CHSY1: variants seen among roughly 807,000 people sequenced by gnomAD.
The protein encoded by CHSY1 is N-acetylgalactosaminyl-proteoglycan 3-beta-glucuronosyltransferase 1.
A neutral mutation model predicts 59.8 loss-of-function variants in CHSY1; 13 were observed. The observed-to-expected ratio is 0.22, with a 90% CI of 0.14 to 0.35. CHSY1 has a LOEUF of 0.35. Ranked by LOEUF, CHSY1 falls within the 10% of genes least tolerant of loss-of-function variation. CHSY1 has a pLI of 1.00. For synonymous variants in CHSY1, 459 were observed against 401.2 expected (o/e 1.14, Z -1.72); for missense variants, 947 against 1,030.6 (o/e 0.92, Z 1.11).
At chr15:101,236,407 G>A (rs1453756699) in intron 1 of CHSY1, among the ~76,000 whole-genome samples, 4 of 152,278 alleles carry the variant, frequency 2.6e-5, no homozygotes, top group African/African-American at 9.6e-5. Flanking sequence ...AGTTTTACAA[G>A]GGGTTTCCCT....
intron 2 of CHSY1, among the ~76,000 whole-genome samples, chr15:101,196,600 C>T (rs12592551): frequency 0.09 from 13,716 of 152,274 alleles, 747 homozygotes; most frequent in East Asian, 0.21. Context: ...ACCCCGAGAT[C>T]CATGACTAGA....
intron 2 of CHSY1, among the ~76,000 whole-genome samples, chr15:101,199,504 A>G (rs2141252738): frequency 6.6e-6 from 1 of 152,336 alleles, no homozygotes; most frequent in Non-Finnish European, 1.5e-5. Context: ...CTCCGTCTCA[A>G]AAACAAACAA....
intron 2 of CHSY1, among the ~76,000 whole-genome samples, chr15:101,212,103 A>G (rs1039915320): frequency 2.0e-5 from 3 of 152,160 alleles, no homozygotes; most frequent in Admixed American, 2.0e-4. Context: ...TGAAATCACA[A>G]TGAAGTAAAT....
chr15:101,200,401 C>T (rs563112552), intron 2 of CHSY1, among the ~76,000 whole-genome samples: 1 of 152,316 alleles, frequency 6.6e-6, no homozygotes, highest in African/African-American at 2.4e-5. Context: ...GCTGTGTCCT[C>T]GAGCAAGTCT....
rs140710592 is a variant in CHSY1 at position 101,208,986 on chromosome 15, C to T, written c.816+26096G>A. ...ACCATCACACTATTCATTTATTCTGCCAAGAAACATCAATTAATGCTAAAA... is the reference window on the plus strand; with the variant it reads ...ACCATCACACTATTCATTTATTCTGTCAAGAAACATCAATTAATGCTAAAA... On this transcript the variant is annotated intron_variant, in intron 2 of 2. Transcript: ENST00000254190. Among the ~76,000 whole-genome samples, 96 of 152,202 alleles carry T rather than the reference C, an allele frequency of 6.3e-4. No homozygotes were observed. The East Asian group carries it at 0.017, about 26-fold the overall frequency.
intron 2 of CHSY1, among the ~76,000 whole-genome samples, chr15:101,225,956 A>G (rs569284654): frequency 1.2e-4 from 19 of 152,268 alleles, no homozygotes; most frequent in African/African-American, 4.6e-4. Context: ...GGCTCTCACA[A>G]TCACAGGACT....
Position 101,246,054 on chromosome 15 carries a change from AG to A in CHSY1, c.320+5082del, listed in dbSNP as rs987944980. On this transcript the variant is annotated intron_variant, in intron 1 of 2. Coordinates refer to ENST00000254190, the MANE Select transcript of CHSY1 (RefSeq NM_014918.5). ...ACAGTCCGTCTTCATTTAAGGCATT[AG>A]GAAGAGATCATTCACTGATAATAGT... Among the ~76,000 whole-genome samples the A allele has an allele frequency of 1.9e-4, 29 of 152,342 alleles. No individual in the cohort carries two copies. In the Middle Eastern group the frequency reaches 0.01, roughly 54 times the overall value.
intron 2 of CHSY1, among the ~76,000 whole-genome samples, chr15:101,229,892 G>A (rs536346447): frequency 1.7e-3 from 264 of 152,068 alleles, no homozygotes; most frequent in African/African-American, 5.9e-3. Context: ...GGGTGACAGA[G>A]CGAGACTCTG....
At chr15:101,238,354 C>T (rs561303810) in intron 1 of CHSY1, among the ~76,000 whole-genome samples, 2 of 152,226 alleles carry the variant, frequency 1.3e-5, no homozygotes, top group East Asian at 3.9e-4. Context: ...AAATGACTGG[C>T]TTTTATTTCT....
At chr15:101,220,116 C>T (rs369464909) in intron 2 of CHSY1, among the ~76,000 whole-genome samples, 1 of 152,184 alleles carries the variant, frequency 6.6e-6, no homozygotes, top group East Asian at 1.9e-4. Context: ...ACCTGCCATC[C>T]AAGTCAACTA....
rs747404843 is a variant in CHSY1, at chr15:101,176,551, C to T, written c.*837G>A. On this transcript the variant is annotated 3_prime_UTR_variant, in exon 3 of 3. Transcript: ENST00000254190. ...GAACTACCACGAGAACAGCCACATA[C>T]CTCACTGTGCCTTCTTCACGCCCCT... 5.0e-6 allele frequency: 2 copies of T among 396,746 alleles called. No individual in the cohort carries two copies. The highest frequency in any genetic ancestry group is 1.4e-4 in the South Asian group (1 of 7,018). The allele number at this position is 396,746 out of a possible 1,614,324, so 24.6% of individuals were successfully genotyped here.
At chr15:101,219,097 G>A (rs1463673273) in intron 2 of CHSY1, among the ~76,000 whole-genome samples, 6 of 152,214 alleles carry the variant, frequency 3.9e-5, no homozygotes, top group Non-Finnish European at 7.3e-5. Flanking sequence ...TTTTAGGGAA[G>A]AACGGAAGCA....
chr15:101,189,498 G>A (rs563576569), intron 2 of CHSY1: 2 of 985,284 alleles, frequency 2.0e-6, no homozygotes, highest in East Asian at 2.3e-4. Flanking sequence ...CAGGCCCAGT[G>A]CAGCCGGGTT....
intron 2 of CHSY1, among the ~76,000 whole-genome samples, chr15:101,199,979 T>C (rs1347552783): frequency 6.6e-6 from 1 of 152,192 alleles, no homozygotes. Context: ...TGAAGCATCG[T>C]TCTGAATAAG....
chr15:101,220,135 A>C (rs2038774212), intron 2 of CHSY1, among the ~76,000 whole-genome samples: 1 of 152,240 alleles, frequency 6.6e-6, no homozygotes. Flanking sequence ...TATTAATGTA[A>C]TAAGTACCCA....
chr15:101,229,744 TA>T (rs1191183622), intron 2 of CHSY1, among the ~76,000 whole-genome samples: 1 of 151,764 alleles, frequency 6.6e-6, no homozygotes, highest in Non-Finnish European at 1.5e-5. Flanking sequence ...CCATCCCTAA[TA>T]AAAATACAAA....
chr15:101,238,612 A>C (rs2038971316), intron 1 of CHSY1, among the ~76,000 whole-genome samples: 1 of 152,202 alleles, frequency 6.6e-6, no homozygotes, highest in Non-Finnish European at 1.5e-5. Context: ...AATGCATCCT[A>C]ATTTCTGAGA....
intron 2 of CHSY1, among the ~76,000 whole-genome samples, chr15:101,204,354 A>C (rs2038602919): frequency 6.6e-6 from 1 of 151,582 alleles, no homozygotes; most frequent in Non-Finnish European, 1.5e-5. Context: ...GAATCACTTG[A>C]ACCCGGGAGA....
At chr15:101,217,430 C>T (rs2038745475) in intron 2 of CHSY1, among the ~76,000 whole-genome samples, 1 of 152,186 alleles carries the variant, frequency 6.6e-6, no homozygotes, top group Admixed American at 6.5e-5. Context: ...GCAAGTGACA[C>T]CCCAATAGCA....
Sources: gnomAD v4.1 joint callset for allele counts (sites outside exome capture counted in the v4.1 genomes callset) on GRCh38, gnomAD v4.1.1 for gene constraint, MANE v1.5 for transcripts, NCBI Gene and HGNC (gene_info 2026-07-23, HGNC 2026-07-21) for gene names.